MYCBP: variants seen among roughly 807,000 people sequenced by gnomAD.
MYCBP encodes MYC binding protein.
MYCBP carries 5 observed loss-of-function variants against 16.8 expected under a neutral mutation model. The observed-to-expected ratio is 0.30, with a 90% CI of 0.16 to 0.63. The LOEUF (loss-of-function observed/expected upper bound fraction) is 0.63. Ranked by LOEUF, MYCBP falls within the 20% of genes least tolerant of loss-of-function variation. MYCBP has a pLI of 0.83. For missense variants in MYCBP, 103 were observed against 121.8 expected (o/e 0.85, Z 0.73); for synonymous variants, 35 against 43.7 (o/e 0.80, Z 0.79).
In MYCBP at chr1:38,864,129, GCA is replaced by G. The variant is rs958282524; in HGVS notation, c.*539_*540del. 8.5e-5 allele frequency: 13 copies of G among 153,478 alleles called. No individual in the cohort carries two copies. Among genetic ancestry groups the G allele is most frequent in the Non-Finnish European group, 1.3e-4 (9 of 68,730 alleles). The allele number at this position is 153,478 out of a possible 1,614,324, so 9.5% of individuals were successfully genotyped here. On this transcript the variant is annotated 3_prime_UTR_variant, in exon 5 of 5. Coordinates refer to ENST00000397572, the MANE Select transcript of MYCBP (RefSeq NM_012333.5). ...AAATGTGGTGTCAGAGTTCAAACTG[GCA>G]CACACACACACAGTTATCTAAGGCA...
chr1:38,872,131 C>T (rs753419943), intron 2 of MYCBP, among the ~76,000 whole-genome samples: 11 of 152,204 alleles, frequency 7.2e-5, no homozygotes, highest in Non-Finnish European at 1.2e-4. Flanking sequence ...TTCCTCTAAA[C>T]TTTGCTTCTG....
At chr1:38,867,157 AC>A (rs1642358763) in intron 3 of MYCBP, 148 bp from the exon 4 acceptor site, 5 of 823,480 alleles carry the variant, frequency 6.1e-6, no homozygotes, top group Non-Finnish European at 7.4e-6. Context: ...AGTGAAACTA[AC>A]TTTCTTGGCC....
At chr1:38,873,351 C>A (rs576865782), upstream of MYCBP, 35 of 1,590,594 alleles carry the variant, frequency 2.2e-5, no homozygotes, top group South Asian at 3.5e-4. Flanking sequence ...CCGCGACTGG[C>A]GGGTTGGGAG....
chr1:38,865,045 A>G (rs538890622), intron 4 of MYCBP, among the ~76,000 whole-genome samples: 125 of 152,370 alleles, frequency 8.2e-4, no homozygotes, highest in Non-Finnish European at 1.3e-3. Context: ...CCTCTCCAGC[A>G]AAAGTTTACT....
chr1:38,872,966 C>G, intron 2 of MYCBP, 52 bp downstream of exon 2: 1 of 1,541,412 alleles, frequency 6.5e-7, no homozygotes, highest in East Asian at 2.4e-5. Context: ...AACGGGGCAG[C>G]GCCGGGGAGC....
At position 38,869,081 on chromosome 1, in the gene MYCBP, G is replaced by GT. The variant is rs959925576; in HGVS notation, c.89-1472dup. Among the ~76,000 whole-genome samples, 812 of 138,846 alleles carry GT rather than the reference G, an allele frequency of 5.8e-3. 4 individuals carry two copies. The highest frequency in any genetic ancestry group is 0.015 in the African/African-American group (561 of 38,230). The allele number at this position is 138,846 out of a possible 152,430, so 91.1% of individuals were successfully genotyped here. ...CACTATTTTTTGAGAAATTCATTTG[G>GT]TTTTTTTTTTTTGTTTTTTTTTTTG... On this transcript the variant is annotated intron_variant, in intron 2 of 4. Transcript: ENST00000397572.
In MYCBP at chr1:38,873,039, C is replaced by A. The variant is rs1368884533; in HGVS notation, c.67G>T (p.Val23Leu). The A allele has an allele frequency of 6.3e-6, 10 of 1,576,704 alleles. No homozygotes were observed. The Middle Eastern group carries it at 5.0e-4, about 79-fold the overall frequency. The change falls in exon 2 of 5, where the codon GTG becomes TTG. Residue 23 changes from valine to leucine, a missense_variant. By Grantham distance (32) the Val-to-Leu change is conservative. Transcript: ENST00000397572. ...QFRRYLEKSGVLDTLTKVLVA... is the reference protein window; with the variant it reads ...QFRRYLEKSGLLDTLTKVLVA... ...TCACCCTTGGTCAGCGTGTCCAGCA[C>A]CCCCGACTTCTCCAAGTACCTCCGG...
rs538095589 is a variant in MYCBP, at chr1:38,863,828, G to T, written c.*842C>A. 1 of 152,564 alleles carries T rather than the reference G, an allele frequency of 6.6e-6. No individual in the cohort carries two copies. The highest frequency in any genetic ancestry group is 2.4e-5 in the African/African-American group (1 of 41,442). 9.5% of individuals were successfully genotyped at this position (152,564 alleles called of 1,614,324 possible). On this transcript the variant is annotated 3_prime_UTR_variant, in exon 5 of 5. Coordinates refer to ENST00000397572, the MANE Select transcript of MYCBP (RefSeq NM_012333.5). ...CTATATAATTATACCTACAAACTAT[G>T]ATTTTCCCCAATATATGGCTCATTC... is the stretch of plus-strand genomic sequence containing the variant.
At chr1:38,866,016 T>C (rs573576586) in intron 4 of MYCBP, among the ~76,000 whole-genome samples, 2 of 146,580 alleles carry the variant, frequency 1.4e-5, no homozygotes, top group African/African-American at 5.0e-5. Flanking sequence ...ATTCTCATCC[T>C]TTTAGTAATA....
chr1:38,873,171 C>T (rs1288843258), intron 1 of MYCBP, 81 bp from the exon 2 acceptor site: 1 of 1,553,476 alleles, frequency 6.4e-7, no homozygotes, highest in African/African-American at 1.4e-5. Flanking sequence ...AACCCCGCCT[C>T]CGCCTCACTA....
At chr1:38,866,044 CTTTTTTTTTTTTTT>C (rs71057153) in intron 4 of MYCBP, among the ~76,000 whole-genome samples, 1 of 65,720 alleles carries the variant, frequency 1.5e-5, no homozygotes, top group African/African-American at 7.9e-5. Flanking sequence ...CTAAGAACCT[CTTTTTTTTTTTTTT>C]TTTTTTTGAG....
rs71057153 is a variant in MYCBP, at chr1:38,866,044, CTTTTTTTTTT to C, written c.267+826_267+835del. 6.4e-4 allele frequency among the ~76,000 whole-genome samples: 42 copies of C among 65,718 alleles called. 1 individual carries two copies. The highest frequency in any genetic ancestry group is 3.2e-3 in the African/African-American group (40 of 12,656). The allele number at this position is 65,718 out of a possible 152,430, so 43.1% of individuals were successfully genotyped here. On this transcript the variant is annotated intron_variant, in intron 4 of 4. Transcript: ENST00000397572. ...TAGTAATACAGGTTCCTAAGAACCT[CTTTTTTTTTT>C]TTTTTTTTTTTGAGACAGAGTTTCA...
intron 4 of MYCBP, among the ~76,000 whole-genome samples, chr1:38,865,394 G>A (rs1642314501): frequency 1.3e-5 from 2 of 152,252 alleles, no homozygotes; most frequent in South Asian, 2.1e-4. Context: ...AATATATTAT[G>A]AGAAATACTT....
At chr1:38,867,639 A>G in intron 2 of MYCBP, 29 bp from the exon 3 acceptor site, 1 of 1,603,126 alleles carries the variant, frequency 6.2e-7, no homozygotes, top group Non-Finnish European at 8.5e-7. Flanking sequence ...AAAAAGCAAC[A>G]ATTGACGTAT....
At chr1:38,867,106 TACC>T (rs1642357642) in intron 3 of MYCBP, 97 bp from the exon 4 acceptor site, 1 of 1,118,286 alleles carries the variant, frequency 8.9e-7, no homozygotes, top group East Asian at 2.5e-5. Context: ...TCACCCACTT[TACC>T]ACCAATATCT....
At chr1:38,868,601 G>A (rs1193117304) in intron 2 of MYCBP, among the ~76,000 whole-genome samples, 3 of 152,062 alleles carry the variant, frequency 2.0e-5, no homozygotes, top group African/African-American at 7.2e-5. Context: ...AGCAAAAAAA[G>A]TAAACACACA....
intron 2 of MYCBP, among the ~76,000 whole-genome samples, chr1:38,871,940 T>C (rs541001556): frequency 6.6e-5 from 10 of 152,312 alleles, no homozygotes; most frequent in Non-Finnish European, 1.2e-4. Context: ...CGGAATGACA[T>C]TCAAAGCATC....
In MYCBP at chr1:38,866,869, T is replaced by A. The variant is rs756715416; in HGVS notation, c.267+11A>T. 4.0e-6 allele frequency: 6 copies of A among 1,500,332 alleles called. No homozygotes were observed. In the East Asian group the frequency reaches 1.2e-4, roughly 29 times the overall value. The allele number at this position is 1,500,332 out of a possible 1,614,324, so 92.9% of individuals were successfully genotyped here. A position where few individuals can be genotyped will look rare whatever the true frequency, so the allele number is the denominator to read the frequency against. ...AAATTATTTGAATATGAATTCTTTTTAAAAATTTACCTTTGCTTTCAGTTT... is the reference window on the plus strand; with the variant it reads ...AAATTATTTGAATATGAATTCTTTTAAAAAATTTACCTTTGCTTTCAGTTT... On this transcript the variant is annotated intron_variant, in intron 4 of 4. Transcript: ENST00000397572.
intron 2 of MYCBP, among the ~76,000 whole-genome samples, chr1:38,871,304 A>T (rs1642460424): frequency 7.0e-6 from 1 of 143,036 alleles, no homozygotes; most frequent in Non-Finnish European, 1.6e-5. Context: ...CCATCCAACC[A>T]CTCTGGCCTC....
Sources: allele counts gnomAD v4.1 joint callset (sites outside exome capture counted in the v4.1 genomes callset), GRCh38; gene constraint gnomAD v4.1.1; transcripts MANE v1.5; gene names NCBI Gene and HGNC (gene_info 2026-07-23, HGNC 2026-07-21).